The following MTM1 variants were observed in gnomAD, a reference collection of about 807,000 sequenced individuals.
The protein encoded by MTM1 is myotubularin 1.
In MTM1, 9 loss-of-function variants were observed where a neutral mutation model predicts 52.1. The observed-to-expected ratio is 0.17, with a 90% CI of 0.10 to 0.30. The LOEUF is 0.30. Ranked by LOEUF, MTM1 falls within the 10% of genes least tolerant of loss-of-function variation. The probability of loss-of-function intolerance (pLI) is 1.00; values close to 1 mark genes in which losing one functional copy is unlikely to be tolerated. For missense variants in MTM1, 277 were observed against 470.7 expected, an observed-to-expected ratio of 0.59 and a Z score of 3.81; for synonymous variants, 136 against 163.8, an observed-to-expected ratio of 0.83 and a Z score of 1.29.
intron 6 of MTM1, among the ~76,000 whole-genome samples, chrX:150,629,295 G>A (rs148485136): frequency 0.01 from 1,166 of 111,881 alleles, 19 homozygotes; most frequent in African/African-American, 0.036. Context: ...GCTGCCATTT[G>A]TGCCTTTTTG....
At chrX:150,618,739 G>A (rs2039428224) in intron 5 of MTM1, among the ~76,000 whole-genome samples, 1 of 111,954 alleles carries the variant, frequency 8.9e-6, no homozygotes, top group Non-Finnish European at 1.9e-5. Flanking sequence ...CGTAGATGTT[G>A]TGCAAGGCAA....
At chrX:150,589,349 T>G (rs2038844211) in intron 1 of MTM1, among the ~76,000 whole-genome samples, 1 of 111,630 alleles carries the variant, frequency 9.0e-6, no homozygotes, top group Non-Finnish European at 1.9e-5. Context: ...AAGGTTATTT[T>G]GGGGGATCAA....
At chrX:150,657,777 G>A (rs369540414) in intron 10 of MTM1, 44 bp from the exon 11 acceptor site, 13 of 1,111,201 alleles carry the variant, frequency 1.2e-5, no homozygotes, top group African/African-American at 3.6e-5. Flanking sequence ...AATGTAAGCA[G>A]TATCTTATAA....
At chrX:150,618,078 A>G (rs782006917) in intron 5 of MTM1, among the ~76,000 whole-genome samples, 16 of 112,269 alleles carry the variant, frequency 1.4e-4, no homozygotes, top group Non-Finnish European at 3.0e-4. Context: ...TTGAACAGAT[A>G]TGTATTGGAA....
At chrX:150,588,657 G>A (rs1204219525) in intron 1 of MTM1, among the ~76,000 whole-genome samples, 4 of 111,834 alleles carry the variant, frequency 3.6e-5, no homozygotes, top group African/African-American at 6.5e-5. Context: ...CCAGCCCCCT[G>A]TACTGGGACG....
Position 150,578,669 on chromosome X carries a change from C to G in MTM1, c.-11+10007C>G, listed in dbSNP as rs1302529424. On this transcript the variant is annotated intron_variant, in intron 1 of 14. Coordinates refer to ENST00000370396, the MANE Select transcript of MTM1 (RefSeq NM_000252.3). Reference sequence around the variant, plus strand: ...ACATTTTGGTAATTTTGTTGAAAATCAATTGACCATTGCTAGGACCTCAAA... The same window carrying G: ...ACATTTTGGTAATTTTGTTGAAAATGAATTGACCATTGCTAGGACCTCAAA... Among the ~76,000 whole-genome samples the G allele has an allele frequency of 3.6e-5, 4 of 111,289 alleles. No homozygotes were observed. In the East Asian group the frequency reaches 1.1e-3, roughly 31 times the overall value.
intron 7 of MTM1, among the ~76,000 whole-genome samples, chrX:150,640,839 T>C (rs2039835799): frequency 9.0e-6 from 1 of 111,122 alleles, no homozygotes; most frequent in Non-Finnish European, 1.9e-5. Flanking sequence ...CACTCTATTT[T>C]GAGCAGGGAG....
intron 2 of MTM1, among the ~76,000 whole-genome samples, chrX:150,593,958 C>A (rs2038933064): frequency 9.1e-6 from 1 of 110,173 alleles, no homozygotes; most frequent in Non-Finnish European, 1.9e-5. Context: ...AGAGTGAGAT[C>A]CTGTCTCAAA....
At chrX:150,655,894 A>G (rs782817803) in intron 10 of MTM1, among the ~76,000 whole-genome samples, 7 of 112,069 alleles carry the variant, frequency 6.2e-5, no homozygotes, top group Non-Finnish European at 1.3e-4. Context: ...TTTATAAAGT[A>G]TGTTTCTGTA....
rs1290922816 is a variant in MTM1 at position 150,583,439 on chromosome X, AATT to A, written c.-10-9163_-10-9161del. Among the ~76,000 whole-genome samples the A allele has an allele frequency of 2.0e-4, 7 of 34,786 alleles. 1 individual carries two copies. Among genetic ancestry groups the A allele is most frequent in the African/African-American group, 6.2e-4 (5 of 8,088 alleles). The allele number at this position is 34,786 out of a possible 115,157, so 30.2% of individuals were successfully genotyped here. A position where few individuals can be genotyped will look rare whatever the true frequency, so the allele number is the denominator to read the frequency against. ...TTATATATAATTATAAATATATAAA[AATT>A]ATATATATTATATATAATTATAAAT... On this transcript the variant is annotated intron_variant, in intron 1 of 14. Transcript: ENST00000370396.
At chrX:150,660,559 A>G (rs1259061134) in intron 13 of MTM1, 75 bp downstream of exon 13, 2 of 629,059 alleles carry the variant, frequency 3.2e-6, no homozygotes, top group Non-Finnish European at 5.3e-6. Context: ...AATATAAAAA[A>G]TATGATAGCT....
intron 6 of MTM1, among the ~76,000 whole-genome samples, chrX:150,622,714 G>A (rs1557413326): frequency 8.9e-6 from 1 of 111,791 alleles, no homozygotes; most frequent in African/African-American, 3.3e-5. Context: ...TTAATTTCCA[G>A]TGAAGGACTT....
intron 4 of MTM1, among the ~76,000 whole-genome samples, chrX:150,599,655 G>GA (rs1242033279): frequency 9.0e-6 from 1 of 111,399 alleles, no homozygotes; most frequent in African/African-American, 3.3e-5. Flanking sequence ...TCTGAATTCT[G>GA]AAAAAATGCT....
intron 1 of MTM1, among the ~76,000 whole-genome samples, chrX:150,583,207 A>G (rs1218611884): frequency 1.4e-5 from 1 of 72,447 alleles, no homozygotes; most frequent in Non-Finnish European, 2.3e-5. Context: ...TATAAATTAT[A>G]AATATATAAA....
rs182826003 is a variant in MTM1, at chrX:150,604,331, A to C, written c.231+5645A>C. 2.5e-3 allele frequency among the ~76,000 whole-genome samples: 284 copies of C among 111,591 alleles called. 1 individual carries two copies. The highest frequency in any genetic ancestry group is 5.5e-3 in the Admixed American group (58 of 10,588). On this transcript the variant is annotated intron_variant, in intron 4 of 14. Transcript: ENST00000370396. Reference sequence around the variant, plus strand: ...CCAGCCTTTTTCCATTGACTCTTTCATCTGAGCATGACAACAGCTGACAGA... The same window carrying C: ...CCAGCCTTTTTCCATTGACTCTTTCCTCTGAGCATGACAACAGCTGACAGA...
rs782528769 is a variant in MTM1 at position 150,627,291 on chromosome X, G to T, written c.444+8152G>T. ...TATCCCACCCCTTCCTTGCAAAGTGGTGCTTTTAAAATATTGAGTAGATAC... is the reference window on the plus strand; with the variant it reads ...TATCCCACCCCTTCCTTGCAAAGTGTTGCTTTTAAAATATTGAGTAGATAC... On this transcript the variant is annotated intron_variant, in intron 6 of 14. Coordinates refer to ENST00000370396, the MANE Select transcript of MTM1 (RefSeq NM_000252.3). Among the ~76,000 whole-genome samples, 30 of 111,459 alleles carry T rather than the reference G, an allele frequency of 2.7e-4. No individual in the cohort carries two copies. The South Asian group carries it at 9.2e-3, about 34-fold the overall frequency.
chrX:150,585,505 T>C (rs2038770890), intron 1 of MTM1, among the ~76,000 whole-genome samples: 1 of 112,757 alleles, frequency 8.9e-6, no homozygotes, highest in Admixed American at 9.4e-5. Flanking sequence ...AATTACTGTT[T>C]TAACTTTTGC....
At chrX:150,624,963 A>T (rs937275006) in intron 6 of MTM1, among the ~76,000 whole-genome samples, 5 of 111,960 alleles carry the variant, frequency 4.5e-5, no homozygotes, top group Non-Finnish European at 9.4e-5. Context: ...AACTTGTGGG[A>T]TATAGACTCA....
intron 1 of MTM1, among the ~76,000 whole-genome samples, chrX:150,580,797 T>G (rs964828284): frequency 1.8e-5 from 2 of 111,889 alleles, no homozygotes; most frequent in Admixed American, 1.9e-4. Flanking sequence ...CTTTGCATAC[T>G]CCTTCTCTAC....
Sources: allele counts gnomAD v4.1 joint callset (sites outside exome capture counted in the v4.1 genomes callset), GRCh38; gene constraint gnomAD v4.1.1; transcripts MANE v1.5; gene names NCBI Gene and HGNC (gene_info 2026-07-23, HGNC 2026-07-21).